The following GPR141 variants were observed in gnomAD, a reference collection of about 807,000 sequenced individuals.
GPR141 encodes probable G protein-coupled receptor 141.
GPR141 carries 6 observed loss-of-function variants against 6.8 expected under a neutral mutation model. That is an observed-to-expected ratio of 0.88 (90% CI 0.48 to 1.74). The LOEUF is 1.74. Among genes scored for constraint, GPR141 ranks in the 40% most tolerant of loss-of-function variants. The pLI is 0.01. For synonymous variants in GPR141, 140 were observed against 142.3 expected, an observed-to-expected ratio of 0.98 and a Z score of 0.11; for missense variants, 372 against 372.9, an observed-to-expected ratio of 1.00 and a Z score of 0.02.
rs1583588237 is a variant in GPR141, at chr7:37,742,476, C to G, written c.*1165C>G. Reference sequence around the variant, plus strand: ...TGTTTTCATTGTTCAACTCCCACTTCTAAGTGAGAACATGCGGTGTTTGGT... The same window carrying G: ...TGTTTTCATTGTTCAACTCCCACTTGTAAGTGAGAACATGCGGTGTTTGGT... On this transcript the variant is annotated 3_prime_UTR_variant, in exon 3 of 3. Coordinates refer to ENST00000334425, the MANE Select transcript of GPR141 (RefSeq NM_001381946.1). Among the ~76,000 whole-genome samples, 3 of 151,362 alleles carry G rather than the reference C, an allele frequency of 2.0e-5. No homozygotes were observed. Among genetic ancestry groups the G allele is most frequent in the Admixed American group, 6.6e-5 (1 of 15,166 alleles).
intron 2 of GPR141, among the ~76,000 whole-genome samples, chr7:37,727,969 T>C (rs1343675515): frequency 1.3e-5 from 2 of 152,232 alleles, no homozygotes; most frequent in Non-Finnish European, 2.9e-5. Flanking sequence ...ATATGTCAAA[T>C]GTTCCAGGTA....
intron 2 of GPR141, among the ~76,000 whole-genome samples, chr7:37,728,111 T>C (rs1811723356): frequency 6.6e-6 from 1 of 152,260 alleles, no homozygotes; most frequent in Non-Finnish European, 1.5e-5. Flanking sequence ...CAGTAACTGC[T>C]ACATATCTGT....
chr7:37,740,525 A>G lies in GPR141; in HGVS notation c.132A>G (p.Lys44=). Residue 44 remains lysine (K), a synonymous_variant, in exon 3 of 3, where the codon AAA becomes AAG. Coordinates refer to ENST00000334425, the MANE Select transcript of GPR141 (RefSeq NM_001381946.1). ...TTTCCATTCTTTTCCTCCTGGTGAA[A>G]ATGAACACCCGGTCAGTGACCACCA... ...GVISILFLLV[K]MNTRSVTTMA... 6.2e-7 allele frequency: 1 copy of G among 1,613,988 alleles called. No individual in the cohort carries two copies. Among genetic ancestry groups the G allele is most frequent in the Non-Finnish European group, 8.5e-7 (1 of 1,179,968 alleles).
At chr7:37,708,433 C>T (rs936763263) in intron 2 of GPR141, among the ~76,000 whole-genome samples, 2 of 150,650 alleles carry the variant, frequency 1.3e-5, no homozygotes, top group Non-Finnish European at 2.9e-5. Flanking sequence ...TTCCTCTATG[C>T]TTTAGAAGAA....
intron 2 of GPR141, among the ~76,000 whole-genome samples, chr7:37,703,773 G>T (rs1298222908): frequency 5.3e-5 from 8 of 151,988 alleles, no homozygotes; most frequent in South Asian, 2.1e-4. Context: ...CAGTGTATTT[G>T]CTCTTATTTT....
chr7:37,697,112 G>A (rs1216108007), intron 2 of GPR141, among the ~76,000 whole-genome samples: 1 of 152,062 alleles, frequency 6.6e-6, no homozygotes, highest in African/African-American at 2.4e-5. Flanking sequence ...AAGACTTTCT[G>A]AAAATCTATA....
intron 2 of GPR141, among the ~76,000 whole-genome samples, chr7:37,731,699 G>A (rs1179690417): frequency 6.6e-6 from 1 of 152,160 alleles, no homozygotes; most frequent in Non-Finnish European, 1.5e-5. Flanking sequence ...TGATCCGCCC[G>A]CCTCGGCCTC....
chr7:37,736,856 G>A lies in GPR141; in HGVS notation c.-14-3524G>A, dbSNP rs183163325. On this transcript the variant is annotated intron_variant, in intron 2 of 2. Transcript: ENST00000334425. ...CAATGGAAACACAGAAATTCAAGAA[G>A]ACATAAAAATCAATGGATAAGAAAA... Among the ~76,000 whole-genome samples, 932 of 152,122 alleles carry A rather than the reference G, an allele frequency of 6.1e-3. 9 individuals carry two copies. Among genetic ancestry groups the A allele is most frequent in the Non-Finnish European group, 0.01 (707 of 67,970 alleles).
rs1465247814 is a variant in GPR141 at position 37,743,775 on chromosome 7, A to G, written c.*2464A>G. Among the ~76,000 whole-genome samples, 2 of 152,190 alleles carry G rather than the reference A, an allele frequency of 1.3e-5. No individual in the cohort carries two copies. Among genetic ancestry groups the G allele is most frequent in the African/African-American group, 4.8e-5 (2 of 41,468 alleles). On this transcript the variant is annotated 3_prime_UTR_variant, in exon 3 of 3. Coordinates refer to ENST00000334425, the MANE Select transcript of GPR141 (RefSeq NM_001381946.1). Reference sequence around the variant, plus strand: ...AATGTTCTCAAAAGATAGAAATGCAATATTTCATAATATAAAATATCTTTT... The same window carrying G: ...AATGTTCTCAAAAGATAGAAATGCAGTATTTCATAATATAAAATATCTTTT...
intron 2 of GPR141, among the ~76,000 whole-genome samples, chr7:37,726,813 C>T (rs1811655630): frequency 6.6e-6 from 1 of 152,060 alleles, no homozygotes; most frequent in Non-Finnish European, 1.5e-5. Context: ...AATATTTGGC[C>T]AATTATACCA....
chr7:37,735,985 A>G (rs186069297), intron 2 of GPR141, among the ~76,000 whole-genome samples: 2 of 152,298 alleles, frequency 1.3e-5, no homozygotes, highest in African/African-American at 4.8e-5. Context: ...CAGGCCGGGC[A>G]TGATAGCTCA....
chr7:37,742,090 T>G lies in GPR141; in HGVS notation c.*779T>G, dbSNP rs1812590688. Among the ~76,000 whole-genome samples, 1 of 152,184 alleles carries G rather than the reference T, an allele frequency of 6.6e-6. No individual in the cohort carries two copies. On this transcript the variant is annotated 3_prime_UTR_variant, in exon 3 of 3. Coordinates refer to ENST00000334425, the MANE Select transcript of GPR141 (RefSeq NM_001381946.1). ...TCCCTGACTAATGTGCTGGTAGGCA[T>G]TAAAATGAGTTCCCAAGGGAAGTGA... is the stretch of plus-strand genomic sequence containing the variant.
At chr7:37,707,260 C>A (rs773659953) in intron 2 of GPR141, among the ~76,000 whole-genome samples, 4 of 152,174 alleles carry the variant, frequency 2.6e-5, no homozygotes, top group Non-Finnish European at 4.4e-5. Flanking sequence ...TTGTACCTTA[C>A]AAGTAGATAC....
At chr7:37,696,346 T>C (rs1429907237) in intron 2 of GPR141, among the ~76,000 whole-genome samples, 1 of 152,214 alleles carries the variant, frequency 6.6e-6, no homozygotes. Flanking sequence ...CAACTTACGA[T>C]GAGTTTTTAG....
rs7809439 is a variant in GPR141, at chr7:37,691,089, T to C, written c.-15+5506T>C. On this transcript the variant is annotated intron_variant, in intron 2 of 2. Coordinates refer to ENST00000334425, the MANE Select transcript of GPR141 (RefSeq NM_001381946.1). ...TGACCTTCTTTGTATCTTTTTAGAA[T>C]TTTGATTAAAATCTCTTTTATCTGT... Among the ~76,000 whole-genome samples, 747 of 152,294 alleles carry C rather than the reference T, an allele frequency of 4.9e-3. 6 individuals carry two copies. The highest frequency in any genetic ancestry group is 0.017 in the African/African-American group (707 of 41,556).
chr7:37,685,752 CTTTTTTTT>C (rs35789715), intron 2 of GPR141, among the ~76,000 whole-genome samples, 169 bp downstream of exon 2: 2 of 113,144 alleles, frequency 1.8e-5, no homozygotes, highest in East Asian at 2.5e-4. Context: ...CCTGGCAGCA[CTTTTTTTT>C]TTTTTTTTTT....
chr7:37,731,546 C>T (rs1811934604), intron 2 of GPR141, among the ~76,000 whole-genome samples: 1 of 152,110 alleles, frequency 6.6e-6, no homozygotes. Flanking sequence ...CGGGTTCACG[C>T]CATTCTCCTG....
intron 2 of GPR141, among the ~76,000 whole-genome samples, chr7:37,733,934 G>A (rs1812111542): frequency 6.6e-6 from 1 of 152,164 alleles, no homozygotes; most frequent in South Asian, 2.1e-4. Context: ...CATTTTGGGA[G>A]ATCAAGGCAG....
chr7:37,715,761 G>A (rs561473803), intron 2 of GPR141, among the ~76,000 whole-genome samples: 57 of 152,216 alleles, frequency 3.7e-4, no homozygotes, highest in Non-Finnish European at 5.0e-4. Context: ...AGGTATTAGC[G>A]TCAGGAGGTG....
Sources: allele counts gnomAD v4.1 joint callset (sites outside exome capture counted in the v4.1 genomes callset), GRCh38; gene constraint gnomAD v4.1.1; transcripts MANE v1.5; gene names NCBI Gene and HGNC (gene_info 2026-07-23, HGNC 2026-07-21).